ACVR1B: variants seen among roughly 807,000 people sequenced by gnomAD.
ACVR1B encodes the protein activin A receptor type 1B.
In ACVR1B, 15 loss-of-function variants were observed where a neutral mutation model predicts 55.6. The observed-to-expected ratio is 0.27, with a 90% CI of 0.18 to 0.42. The LOEUF is 0.42. ACVR1B is among the 10% of genes least tolerant of loss of function. ACVR1B has a pLI of 1.00. For synonymous variants in ACVR1B, 247 were observed against 254.6 expected (o/e 0.97, Z 0.28); for missense variants, 359 against 670.1 (o/e 0.54, Z 5.13).
chr12:51,969,604 AG>A (rs1369562873), intron 1 of ACVR1B, among the ~76,000 whole-genome samples: 1 of 152,216 alleles, frequency 6.6e-6, no homozygotes, highest in African/African-American at 2.4e-5. Flanking sequence ...TTTTTTATAG[AG>A]GTAAGTATGC....
chr12:51,987,751 G>A (rs1344657544), intron 7 of ACVR1B: 3 of 152,618 alleles, frequency 2.0e-5, no homozygotes, highest in Admixed American at 6.5e-5. Flanking sequence ...TTCCTGAAGC[G>A]TTCCATATTT....
chr12:51,978,722 C>T (rs1172256120), intron 3 of ACVR1B, among the ~76,000 whole-genome samples: 1 of 149,230 alleles, frequency 6.7e-6, no homozygotes, highest in Non-Finnish European at 1.5e-5. Flanking sequence ...CCCAGGTACT[C>T]AAGAGGCTGA....
intron 3 of ACVR1B, among the ~76,000 whole-genome samples, chr12:51,977,606 CCT>C (rs993575382): frequency 3.5e-5 from 5 of 144,058 alleles, no homozygotes; most frequent in African/African-American, 1.3e-4. Flanking sequence ...GTATTGCATT[CCT>C]TTTTTTTTTT....
chr12:51,961,466 T>C (rs1941525486), intron 1 of ACVR1B, among the ~76,000 whole-genome samples: 2 of 152,210 alleles, frequency 1.3e-5, no homozygotes, highest in African/African-American at 4.8e-5. Context: ...AATCTCTCTT[T>C]CTACCTCACC....
rs536725405 is a variant in ACVR1B, at chr12:51,994,294, C to G, written c.*184C>G. ...TCCCATGTTGGGTTTGAGACAGACA[C>G]CTTTTCTATTTACCTCCTAATGGCA... is the stretch of plus-strand genomic sequence containing the variant. On this transcript the variant is annotated 3_prime_UTR_variant, in exon 9 of 9. Coordinates refer to ENST00000257963, the MANE Select transcript of ACVR1B (RefSeq NM_004302.5). The surrounding 1 kb of genome is among the most constrained non-coding windows in gnomAD (Gnocchi z 4.2). 3.8e-5 allele frequency: 28 copies of G among 731,790 alleles called. No individual in the cohort carries two copies. The East Asian group carries it at 7.5e-4, about 20-fold the overall frequency. 45.3% of individuals were successfully genotyped at this position (731,790 alleles called of 1,614,324 possible).
At chr12:51,976,040 C>T (rs988435241) in intron 2 of ACVR1B, among the ~76,000 whole-genome samples, 2 of 152,208 alleles carry the variant, frequency 1.3e-5, no homozygotes, top group African/African-American at 4.8e-5. Context: ...AGGGCAGAAA[C>T]AGGCATCTGT....
chr12:51,963,245 T>C (rs1941571090), intron 1 of ACVR1B, among the ~76,000 whole-genome samples: 1 of 152,012 alleles, frequency 6.6e-6, no homozygotes, highest in African/African-American at 2.4e-5. Context: ...TTATTTTTTA[T>C]GTATTTATTT....
At chr12:51,959,649 G>A (rs1404858221) in intron 1 of ACVR1B, among the ~76,000 whole-genome samples, 1 of 152,222 alleles carries the variant, frequency 6.6e-6, no homozygotes, top group Non-Finnish European at 1.5e-5. Context: ...AAATGGTGAT[G>A]GTGAAAATAG....
At chr12:51,974,876 T>C (rs1475407644) in intron 1 of ACVR1B, among the ~76,000 whole-genome samples, 1 of 152,170 alleles carries the variant, frequency 6.6e-6, no homozygotes, top group African/African-American at 2.4e-5. Context: ...GCCGTGGGTG[T>C]GCTTGGTTCC....
intron 7 of ACVR1B, among the ~76,000 whole-genome samples, chr12:51,989,942 G>A (rs1382538840): frequency 6.6e-6 from 1 of 151,980 alleles, no homozygotes; most frequent in Non-Finnish European, 1.5e-5. Context: ...CCGAGATCGT[G>A]CCACTGCACT....
chr12:51,991,766 G>T, intron 7 of ACVR1B, 97 bp from the exon 8 acceptor site: 1 of 1,303,592 alleles, frequency 7.7e-7, no homozygotes, highest in African/African-American at 1.5e-5. Context: ...TTAGGGGGTA[G>T]TGGTATTTAC....
At chr12:51,986,352 G>A (rs995656499) in intron 6 of ACVR1B, among the ~76,000 whole-genome samples, 4 of 152,132 alleles carry the variant, frequency 2.6e-5, no homozygotes, top group African/African-American at 4.8e-5. Flanking sequence ...TCCGCCTCCC[G>A]GGTTCAAGTG....
rs1040048728 is a variant in ACVR1B, at chr12:51,985,184, T to C, written c.980-8T>C. The C allele has an allele frequency of 1.2e-6, 2 of 1,602,380 alleles. No homozygotes were observed. The highest frequency in any genetic ancestry group is 3.5e-5 in the Admixed American group (2 of 57,366). On this transcript the variant is annotated splice_region_variant and splice_polypyrimidine_tract_variant and intron_variant, in intron 5 of 8. Coordinates refer to ENST00000257963, the MANE Select transcript of ACVR1B (RefSeq NM_004302.5). ...CTTTGTAAAGATCCCTGTTTTTTTC[T>C]CTGCCAGGGAAGCCTGGAATTGCTC...
At chr12:51,985,389 A>G in intron 6 of ACVR1B, 41 bp downstream of exon 6, 2 of 1,577,862 alleles carry the variant, frequency 1.3e-6, no homozygotes, top group South Asian at 2.3e-5. Context: ...AGCAGCTTCT[A>G]CTGAGTATCC....
chr12:51,983,394 A>G (rs1008953595), intron 4 of ACVR1B, among the ~76,000 whole-genome samples: 2 of 152,250 alleles, frequency 1.3e-5, no homozygotes, highest in African/African-American at 4.8e-5. Flanking sequence ...CATGCACTGA[A>G]AAGCATTTTT....
Position 51,975,308 on chromosome 12 carries a change from G to T in ACVR1B, c.135G>T (p.Thr45=), listed in dbSNP as rs201623223. The change falls in exon 2 of 9, where the codon ACG becomes ACT. Residue 45 remains threonine (T), a synonymous_variant. Coordinates refer to ENST00000257963, the MANE Select transcript of ACVR1B (RefSeq NM_004302.5). ...ACTSCLQANY[T]CETDGACMVS... ...CCAGCTGCCTCCAGGCCAACTACAC[G>T]TGTGAGACAGATGGGGCCTGCATGG... 1.2e-6 allele frequency: 2 copies of T among 1,613,774 alleles called. No homozygotes were observed. Among genetic ancestry groups the T allele is most frequent in the Non-Finnish European group, 1.7e-6 (2 of 1,180,056 alleles).
chr12:51,984,506 C>T (rs1942042306), intron 5 of ACVR1B, among the ~76,000 whole-genome samples: 2 of 152,126 alleles, frequency 1.3e-5, no homozygotes, highest in East Asian at 3.9e-4. Flanking sequence ...AAAGATAAAC[C>T]AGTGTACTGG....
At chr12:51,959,054 A>G (rs1941465758) in intron 1 of ACVR1B, among the ~76,000 whole-genome samples, 1 of 152,204 alleles carries the variant, frequency 6.6e-6, no homozygotes, top group Non-Finnish European at 1.5e-5. Flanking sequence ...ACAATAAACA[A>G]AAGTATAAAA....
intron 1 of ACVR1B, among the ~76,000 whole-genome samples, chr12:51,961,357 A>G (rs978149647): frequency 2.0e-5 from 3 of 152,148 alleles, no homozygotes; most frequent in Non-Finnish European, 2.9e-5. Flanking sequence ...AATAATTCCA[A>G]TTCTGTTTTG....
Sources: allele counts gnomAD v4.1 joint callset (sites outside exome capture counted in the v4.1 genomes callset), GRCh38; gene constraint gnomAD v4.1.1; non-coding constraint Gnocchi (gnomAD v3.1); transcripts MANE v1.5; gene names NCBI Gene and HGNC (gene_info 2026-07-23, HGNC 2026-07-21).